The following CNTN4 variants were observed in gnomAD, a reference collection of about 807,000 sequenced individuals.
The protein encoded by CNTN4 is contactin 4.
A neutral mutation model predicts 122.5 loss-of-function variants in CNTN4; 77 were observed. That is an observed-to-expected ratio of 0.63 (90% confidence interval 0.52 to 0.76). The LOEUF (loss-of-function observed/expected upper bound fraction) is 0.76. Among genes scored for constraint, CNTN4 ranks in the 30% least tolerant of loss-of-function variants. The pLI, the probability that CNTN4 is intolerant of heterozygous loss-of-function variation, is 0.00. For synonymous variants in CNTN4, 512 were observed against 447.0 expected (o/e 1.15, Z -1.83); for missense variants, 1,256 against 1,259.1 (o/e 1.00, Z 0.04).
At chr3:2,243,190 A>C (rs1246044646) in intron 2 of CNTN4, among the ~76,000 whole-genome samples, 1 of 152,108 alleles carries the variant, frequency 6.6e-6, no homozygotes, top group Non-Finnish European at 1.5e-5. Flanking sequence ...TTCTTTTGAG[A>C]CCTACCTTTG....
chr3:2,855,457 A>T (rs929309096), intron 7 of CNTN4, among the ~76,000 whole-genome samples: 1 of 152,234 alleles, frequency 6.6e-6, no homozygotes, highest in Non-Finnish European at 1.5e-5. Flanking sequence ...AGAGGCACCA[A>T]ATGAGATAAT....
intron 7 of CNTN4, among the ~76,000 whole-genome samples, chr3:2,845,011 G>A (rs1399006045): frequency 2.0e-5 from 3 of 152,048 alleles, no homozygotes; most frequent in Admixed American, 1.3e-4. Context: ...ACCAGTTTAT[G>A]CCAGTTTCAC....
At chr3:2,626,218 G>T (rs955142712) in intron 4 of CNTN4, among the ~76,000 whole-genome samples, 1 of 152,058 alleles carries the variant, frequency 6.6e-6, no homozygotes, top group Non-Finnish European at 1.5e-5. Context: ...CTTTATGATT[G>T]TACTTTGTGT....
At chr3:2,516,699 T>C (rs1052257859) in intron 3 of CNTN4, among the ~76,000 whole-genome samples, 1 of 151,938 alleles carries the variant, frequency 6.6e-6, no homozygotes, top group African/African-American at 2.4e-5. Context: ...AGGAATGGGG[T>C]GATTTAAAAT....
intron 2 of CNTN4, among the ~76,000 whole-genome samples, chr3:2,321,680 G>C (rs985573294): frequency 4.0e-5 from 6 of 151,718 alleles, no homozygotes; most frequent in African/African-American, 1.5e-4. Flanking sequence ...AGACGACCTA[G>C]TATCTCAGGT....
chr3:2,428,218 G>C (rs1025321955), intron 3 of CNTN4, among the ~76,000 whole-genome samples: 3 of 152,126 alleles, frequency 2.0e-5, no homozygotes, highest in Non-Finnish European at 2.9e-5. Context: ...ACCGGTTGTT[G>C]CTTTCCATGT....
At chr3:2,946,084 T>C (rs186451560) in intron 13 of CNTN4, among the ~76,000 whole-genome samples, 2 of 152,310 alleles carry the variant, frequency 1.3e-5, no homozygotes, top group East Asian at 3.9e-4. Flanking sequence ...AATGAAACTT[T>C]AGAGATAAAC....
rs766745185 is a variant in CNTN4 at position 2,406,951 on chromosome 3, G to A, written c.-89+67718G>A. On this transcript the variant is annotated intron_variant, in intron 3 of 24. Coordinates refer to ENST00000418658, the MANE Select transcript of CNTN4 (RefSeq NM_175607.3). Reference sequence around the variant, plus strand: ...GTAAACATTTAACCCTTCTTAGTAGGAGATGAACTGAGAATGAGGAACTAC... The same window carrying A: ...GTAAACATTTAACCCTTCTTAGTAGAAGATGAACTGAGAATGAGGAACTAC... Among the ~76,000 whole-genome samples, 28 of 152,238 alleles carry A rather than the reference G, an allele frequency of 1.8e-4. 1 individual carries two copies. In the South Asian group the frequency reaches 3.1e-3, roughly 17 times the overall value.
intron 3 of CNTN4, among the ~76,000 whole-genome samples, chr3:2,384,759 T>C (rs922612120): frequency 1.5e-5 from 2 of 131,884 alleles, no homozygotes; most frequent in Non-Finnish European, 1.7e-5. Flanking sequence ...ACTCAATGTG[T>C]GCGTGTGTGT....
intron 2 of CNTN4, among the ~76,000 whole-genome samples, chr3:2,279,042 A>G (rs754205867): frequency 5.3e-5 from 8 of 152,018 alleles, no homozygotes; most frequent in Non-Finnish European, 1.0e-4. Context: ...GTGCAAGCCT[A>G]GAGAGATTAC....
At chr3:2,953,707 G>T (rs1332318716) in intron 13 of CNTN4, among the ~76,000 whole-genome samples, 3 of 152,036 alleles carry the variant, frequency 2.0e-5, no homozygotes, top group African/African-American at 7.2e-5. Flanking sequence ...TCTATCCTAG[G>T]CAAAAATGTC....
chr3:2,835,163 C>G (rs902934413), intron 7 of CNTN4, among the ~76,000 whole-genome samples: 13 of 151,962 alleles, frequency 8.6e-5, no homozygotes, highest in African/African-American at 3.1e-4. Flanking sequence ...CCTCAGCCTC[C>G]CAAAGTGCTG....
intron 7 of CNTN4, among the ~76,000 whole-genome samples, chr3:2,857,037 C>CA (rs1189312311): frequency 1.3e-5 from 2 of 152,020 alleles, no homozygotes; most frequent in Non-Finnish European, 2.9e-5. Flanking sequence ...GACGGTGAGA[C>CA]AAAAAACCTC....
At chr3:2,868,652 T>C (rs1364852360) in intron 8 of CNTN4, among the ~76,000 whole-genome samples, 1 of 152,228 alleles carries the variant, frequency 6.6e-6, no homozygotes, top group Non-Finnish European at 1.5e-5. Flanking sequence ...CATTCATTTA[T>C]TCATCCATTT....
At chr3:2,120,525 C>G (rs2033700378) in intron 2 of CNTN4, among the ~76,000 whole-genome samples, 1 of 150,374 alleles carries the variant, frequency 6.7e-6, no homozygotes, top group Admixed American at 6.6e-5. Flanking sequence ...GTCTCAGCCT[C>G]CCGAGTAGCT....
intron 9 of CNTN4, among the ~76,000 whole-genome samples, chr3:2,885,940 G>A (rs113791758): frequency 0.011 from 1,637 of 152,242 alleles, 42 homozygotes; most frequent in African/African-American, 0.036. Flanking sequence ...CGGTCTCAAG[G>A]TATTCACTCT....
At chr3:2,124,470 A>ACC (rs1553570201) in intron 2 of CNTN4, among the ~76,000 whole-genome samples, 6 of 144,476 alleles carry the variant, frequency 4.2e-5, no homozygotes, top group African/African-American at 1.3e-4. Context: ...ACACACACAC[A>ACC]CACCCCCTTA....
At chr3:2,855,592 T>A (rs1339699107) in intron 7 of CNTN4, among the ~76,000 whole-genome samples, 1 of 152,218 alleles carries the variant, frequency 6.6e-6, no homozygotes. Flanking sequence ...TAACTTTCCT[T>A]GTGCATAGAG....
chr3:2,361,290 C>G (rs975027306), intron 3 of CNTN4, among the ~76,000 whole-genome samples: 1 of 152,206 alleles, frequency 6.6e-6, no homozygotes, highest in Admixed American at 6.5e-5. Context: ...GTTGTTCTAA[C>G]TCAGTGCTTT....
Sources: allele counts gnomAD v4.1 joint callset (sites outside exome capture counted in the v4.1 genomes callset), GRCh38; gene constraint gnomAD v4.1.1; transcripts MANE v1.5; gene names NCBI Gene and HGNC (gene_info 2026-07-23, HGNC 2026-07-21).